Variants in SARDH observed in about 807,000 individuals in gnomAD.
SARDH encodes the protein sarcosine dehydrogenase, mitochondrial.
Under a neutral mutation model 109.1 loss-of-function variants are expected in SARDH, and 95 were observed. The observed-to-expected ratio is 0.87, with a 90% CI of 0.74 to 1.03. SARDH has a LOEUF of 1.03. Ranked by LOEUF, SARDH falls within the 50% of genes least tolerant of loss-of-function variation. The probability of loss-of-function intolerance (pLI) is 0.00; values close to 1 mark genes in which losing one functional copy is unlikely to be tolerated. For synonymous variants in SARDH, 572 were observed against 534.8 expected (o/e 1.07, Z -0.96); for missense variants, 1,267 against 1,287.8 (o/e 0.98, Z 0.25).
Position 133,696,336 on chromosome 9 carries a change from C to A in SARDH, c.1694G>T (p.Arg565Ile). 6.2e-7 allele frequency: 1 copy of A among 1,614,132 alleles called. No homozygotes were observed. The highest frequency in any genetic ancestry group is 8.5e-7 in the Non-Finnish European group (1 of 1,180,030). ...DTIKKECLAC[R>I]GAAAVFDMSY... ...CATGTCAAACACAGCGGCGGCCCCT[C>A]TGCAGGCCAGGCACTCCTTCTTGAT... The change falls in exon 14 of 21, where the codon AGA becomes ATA. Residue 565 changes from arginine to isoleucine, a missense_variant. By Grantham distance (97) the Arg-to-Ile change is moderately conservative. Transcript: ENST00000439388.
chr9:133,665,338 C>G (rs552852945), intron 20 of SARDH, among the ~76,000 whole-genome samples: 9 of 152,338 alleles, frequency 5.9e-5, no homozygotes, highest in Middle Eastern at 3.4e-3. Flanking sequence ...TGGCATGGAG[C>G]CCATAAACTC....
chr9:133,694,562 C>T (rs1831217517), intron 14 of SARDH, among the ~76,000 whole-genome samples, 191 bp from the exon 15 acceptor site: 1 of 152,186 alleles, frequency 6.6e-6, no homozygotes, highest in South Asian at 2.1e-4. Context: ...GCTTAATGAC[C>T]CAGAGAGGAC....
chr9:133,667,543 A>T (rs1830118429), intron 19 of SARDH, among the ~76,000 whole-genome samples: 1 of 152,168 alleles, frequency 6.6e-6, no homozygotes, highest in African/African-American at 2.4e-5. Flanking sequence ...TGCTCACTGT[A>T]AAAGTTTTAA....
chr9:133,736,622 C>T (rs1043136429), intron 1 of SARDH, among the ~76,000 whole-genome samples: 52 of 152,336 alleles, frequency 3.4e-4, no homozygotes, highest in Admixed American at 7.8e-4. Flanking sequence ...TCTCGAACTC[C>T]TGACCTCAGG....
In SARDH at chr9:133,709,172, G is replaced by A. The variant is rs144909906; in HGVS notation, c.1329-744C>T. On this transcript the variant is annotated intron_variant, in intron 10 of 20. Transcript: ENST00000439388. The surrounding 1 kb of genome is among the most constrained non-coding windows in gnomAD (Gnocchi z 4.2). ...GGCTGGGGACACAGTGTGCGGCCAC[G>A]GCAGCCCCCGGTGGTGTCCAGCACG... 8.9e-3 allele frequency among the ~76,000 whole-genome samples: 1,354 copies of A among 152,266 alleles called. 18 individuals carry two copies. The highest frequency in any genetic ancestry group is 0.03 in the African/African-American group (1,259 of 41,532).
At chr9:133,674,430 C>A (rs186555064) in intron 17 of SARDH, among the ~76,000 whole-genome samples, 236 of 152,320 alleles carry the variant, frequency 1.5e-3, no homozygotes, top group Middle Eastern at 3.4e-3. Context: ...GAACTCCTGG[C>A]CGTGGATGGA....
chr9:133,671,816 C>CTT, intron 17 of SARDH, 119 bp from the exon 18 acceptor site: 1 of 1,263,846 alleles, frequency 7.9e-7, no homozygotes, highest in Non-Finnish European at 1.1e-6. Context: ...GGCCCTGGGT[C>CTT]CCAGCCAGAT....
Position 133,708,209 on chromosome 9 carries a change from C to T in SARDH, c.1470+78G>A, listed in dbSNP as rs1036784469. On this transcript the variant is annotated intron_variant, in intron 11 of 20. Transcript: ENST00000439388. ...TGACCTGCGGTTGGGGTACACCTTG[C>T]ATTTCTGTCACTCCGCTGCCCTGAG... The T allele has an allele frequency of 3.3e-6, 5 of 1,508,780 alleles. No individual in the cohort carries two copies. In the African/African-American group the frequency reaches 6.9e-5, roughly 21 times the overall value. The allele number at this position is 1,508,780 out of a possible 1,614,324, so 93.5% of individuals were successfully genotyped here.
At chr9:133,733,794 C>T (rs756857894) in intron 2 of SARDH, 49 bp downstream of exon 2, 274 of 1,398,022 alleles carry the variant, frequency 2.0e-4, no homozygotes, top group Non-Finnish European at 2.5e-4. Flanking sequence ...GCTGTGGCCC[C>T]TCGCTATGTC....
chr9:133,689,383 G>A (rs996655612), intron 16 of SARDH, among the ~76,000 whole-genome samples: 4 of 152,218 alleles, frequency 2.6e-5, no homozygotes, highest in East Asian at 1.9e-4. Context: ...GAAGCACACC[G>A]AGATGAGTGT....
intron 11 of SARDH, 127 bp from the exon 12 acceptor site, chr9:133,705,158 A>G: frequency 1.1e-6 from 1 of 876,118 alleles, no homozygotes. Flanking sequence ...TCTTGGAACC[A>G]GGCCTCCAGC....
intron 11 of SARDH, among the ~76,000 whole-genome samples, chr9:133,707,547 C>A (rs1831736280): frequency 6.6e-6 from 1 of 152,180 alleles, no homozygotes; most frequent in Admixed American, 6.5e-5. Flanking sequence ...GAGGCCCCTT[C>A]TTCAGTTTAA....
intron 17 of SARDH, among the ~76,000 whole-genome samples, chr9:133,674,599 G>A (rs1411043378): frequency 1.3e-5 from 2 of 152,256 alleles, no homozygotes; most frequent in African/African-American, 2.4e-5. Flanking sequence ...CGTCACGTAT[G>A]TGTTCACATG....
intron 8 of SARDH, among the ~76,000 whole-genome samples, chr9:133,713,799 C>G (rs1380499326): frequency 6.6e-6 from 1 of 152,228 alleles, no homozygotes; most frequent in Non-Finnish European, 1.5e-5. Context: ...CACTTCGCCT[C>G]TCTGAGCAAG....
In SARDH at chr9:133,708,558, G is replaced by A. The variant is rs114433386; in HGVS notation, c.1329-130C>T. ...TCCCCTTTGTGGCTCAGCATTGAGC[G>A]GGCCCCTGACTCTCCATTCGCCCCA... On this transcript the variant is annotated intron_variant, in intron 10 of 20. Coordinates refer to ENST00000439388, the MANE Select transcript of SARDH (RefSeq NM_001134707.2). The A allele has an allele frequency of 2.1e-3, 2,567 of 1,232,384 alleles. 48 individuals carry two copies. In the African/African-American group the frequency reaches 0.035, roughly 17 times the overall value. 76.3% of individuals were successfully genotyped at this position (1,232,384 alleles called of 1,614,324 possible).
At chr9:133,669,707 C>T (rs558981406) in intron 19 of SARDH, among the ~76,000 whole-genome samples, 4 of 152,294 alleles carry the variant, frequency 2.6e-5, no homozygotes, top group Non-Finnish European at 4.4e-5. Context: ...TGTGACTGGG[C>T]GTGAGTCCCC....
rs554674054 is a variant in SARDH, at chr9:133,675,348, T to C, written c.2164-3651A>G. Among the ~76,000 whole-genome samples the C allele has an allele frequency of 4.0e-4, 46 of 115,302 alleles. No individual in the cohort carries two copies. In the South Asian group the frequency reaches 8.6e-3, roughly 21 times the overall value. The allele number at this position is 115,302 out of a possible 152,430, so 75.6% of individuals were successfully genotyped here. ...CCTGGGCAACAGAGTGAGACTCCAT[T>C]TAAAAAAAAAAAAAATAGGCAAGGG... On this transcript the variant is annotated intron_variant, in intron 17 of 20. Transcript: ENST00000439388.
chr9:133,731,371 G>A lies in SARDH; in HGVS notation c.624C>T (p.Asp208=), dbSNP rs142288906. Residue 208 remains aspartate, a synonymous_variant, in exon 4 of 21, where the codon GAC becomes GAT. Coordinates refer to ENST00000439388, the MANE Select transcript of SARDH (RefSeq NM_001134707.2). ...AGGTGCCAGCGGGGTCCATGGTACCGTCGTGCGGCACATACAGGGTCCCGT... is the reference window on the plus strand; with the variant it reads ...AGGTGCCAGCGGGGTCCATGGTACCATCGTGCGGCACATACAGGGTCCCGT... ...DLYGTLYVPH[D]GTMDPAGTCT... 1.8e-5 allele frequency: 29 copies of A among 1,614,082 alleles called. No homozygotes were observed. The highest frequency in any genetic ancestry group is 1.3e-4 in the South Asian group (12 of 91,094).
intron 20 of SARDH, 38 bp from the exon 21 acceptor site, chr9:133,664,052 G>A: frequency 6.2e-7 from 1 of 1,610,942 alleles, no homozygotes; most frequent in Non-Finnish European, 8.5e-7. Flanking sequence ...ACTCTCTGTT[G>A]GTAGGTACAG....
Sources: allele counts gnomAD v4.1 joint callset (sites outside exome capture counted in the v4.1 genomes callset), GRCh38; gene constraint gnomAD v4.1.1; non-coding constraint Gnocchi (gnomAD v3.1); transcripts MANE v1.5; gene names NCBI Gene and HGNC (gene_info 2026-07-23, HGNC 2026-07-21).